Variants in KCNMA1 observed in about 807,000 individuals in gnomAD.
The protein encoded by KCNMA1 is potassium calcium-activated channel subfamily M alpha 1.
In KCNMA1, 29 loss-of-function variants were observed where a neutral mutation model predicts 140.0. The ratio of observed to expected loss-of-function variants is 0.21; its 90% CI spans 0.15 to 0.28. The LOEUF is 0.28. Among genes scored for constraint, KCNMA1 ranks in the 10% least tolerant of loss-of-function variants. The probability of loss-of-function intolerance (pLI) is 1.00; values close to 1 mark genes in which losing one functional copy is unlikely to be tolerated. For synonymous variants in KCNMA1, 612 were observed against 611.9 expected (o/e 1.00, Z 0.00); for missense variants, 880 against 1,602.2 (o/e 0.55, Z 7.70).
intron 1 of KCNMA1, chr10:77,636,840 C>G (rs2093797307): frequency 1.4e-6 from 2 of 1,431,546 alleles, no homozygotes; most frequent in African/African-American, 2.9e-5. Flanking sequence ...TGTGCTCCCT[C>G]TCGCCCACCG....
intron 1 of KCNMA1, among the ~76,000 whole-genome samples, chr10:77,408,549 C>T (rs113089078): frequency 6.6e-5 from 10 of 152,144 alleles, no homozygotes; most frequent in South Asian, 2.1e-4. Flanking sequence ...CTCACACATG[C>T]GTGTGTGTGT....
At chr10:77,342,998 G>T (rs925555632) in intron 2 of KCNMA1, among the ~76,000 whole-genome samples, 6 of 152,100 alleles carry the variant, frequency 3.9e-5, no homozygotes, top group African/African-American at 1.2e-4. Flanking sequence ...GAACCTTCTG[G>T]CCCCATCCAG....
At chr10:77,519,501 T>G (rs1277577712) in intron 1 of KCNMA1, among the ~76,000 whole-genome samples, 1 of 152,228 alleles carries the variant, frequency 6.6e-6, no homozygotes, top group Non-Finnish European at 1.5e-5. Context: ...ATTGATTTTT[T>G]TTTTGTTTTA....
intron 2 of KCNMA1, among the ~76,000 whole-genome samples, chr10:77,302,958 C>T (rs1405989145): frequency 1.3e-5 from 2 of 152,102 alleles, no homozygotes; most frequent in Non-Finnish European, 2.9e-5. Flanking sequence ...TCACTGGGGA[C>T]TCACCTGTGT....
At chr10:77,439,091 A>G (rs2097329142) in intron 1 of KCNMA1, among the ~76,000 whole-genome samples, 1 of 70,976 alleles carries the variant, frequency 1.4e-5, no homozygotes, top group Admixed American at 1.8e-4. Flanking sequence ...AAAAGAAAAG[A>G]GAAGAGAAGA....
chr10:77,538,994 T>C (rs1303630371), intron 1 of KCNMA1, among the ~76,000 whole-genome samples: 1 of 152,178 alleles, frequency 6.6e-6, no homozygotes, highest in Non-Finnish European at 1.5e-5. Context: ...GTCTCCTTCA[T>C]GTCACCACCC....
chr10:77,013,830 A>C (rs2091415354), intron 17 of KCNMA1, among the ~76,000 whole-genome samples: 1 of 152,190 alleles, frequency 6.6e-6, no homozygotes, highest in South Asian at 2.1e-4. Context: ...AAAGTACCAA[A>C]GCTGAGATTG....
chr10:77,310,200 C>T (rs1473127108), intron 2 of KCNMA1, among the ~76,000 whole-genome samples: 1 of 152,144 alleles, frequency 6.6e-6, no homozygotes, highest in Non-Finnish European at 1.5e-5. Context: ...ACAACTAAAC[C>T]AGTCTCTCAA....
At chr10:77,029,293 C>G (rs1332192883) in intron 15 of KCNMA1, among the ~76,000 whole-genome samples, 2 of 152,200 alleles carry the variant, frequency 1.3e-5, no homozygotes, top group African/African-American at 4.8e-5. Flanking sequence ...ATTTATTTAG[C>G]TCCAGCATTG....
At chr10:77,610,076 C>T (rs1400889381) in intron 1 of KCNMA1, among the ~76,000 whole-genome samples, 4 of 152,216 alleles carry the variant, frequency 2.6e-5, no homozygotes, top group Non-Finnish European at 5.9e-5. Flanking sequence ...CCTCTGCCTG[C>T]GGCTTTCTGG....
intron 9 of KCNMA1, among the ~76,000 whole-genome samples, chr10:77,103,466 C>T (rs780613234): frequency 2.0e-5 from 3 of 152,152 alleles, no homozygotes; most frequent in Non-Finnish European, 4.4e-5. Flanking sequence ...GTGCGGCAGA[C>T]TAACTAAGGA....
chr10:77,269,659 T>C (rs555320672), intron 2 of KCNMA1, among the ~76,000 whole-genome samples: 1 of 152,228 alleles, frequency 6.6e-6, no homozygotes, highest in Admixed American at 6.5e-5. Context: ...GAACAGCCAA[T>C]GGGTGGGATC....
chr10:77,141,832 G>T (rs1024519067), intron 5 of KCNMA1, among the ~76,000 whole-genome samples: 1 of 152,176 alleles, frequency 6.6e-6, no homozygotes, highest in African/African-American at 2.4e-5. Context: ...CTCTAGCAAG[G>T]CTAAAATTAT....
At chr10:77,621,797 TGC>T (rs1337066372) in intron 1 of KCNMA1, among the ~76,000 whole-genome samples, 1 of 152,062 alleles carries the variant, frequency 6.6e-6, no homozygotes, top group African/African-American at 2.4e-5. Flanking sequence ...GGCATGATGG[TGC>T]ATGCCTGTAG....
chr10:77,591,487 C>A (rs1029803805), intron 1 of KCNMA1, among the ~76,000 whole-genome samples: 1 of 152,190 alleles, frequency 6.6e-6, no homozygotes, highest in African/African-American at 2.4e-5. Flanking sequence ...TCAATAAGCA[C>A]CACCTGGGAA....
chr10:77,311,040 G>C (rs1266323751), intron 2 of KCNMA1, among the ~76,000 whole-genome samples: 1 of 152,186 alleles, frequency 6.6e-6, no homozygotes, highest in Admixed American at 6.5e-5. Flanking sequence ...GCTGCTGTCA[G>C]TTCAAAAGTT....
rs554466124 is a variant in KCNMA1, at chr10:77,369,124, A to C, written c.540+34738T>G. On this transcript the variant is annotated intron_variant, in intron 2 of 27. Coordinates refer to ENST00000286628, the MANE Select transcript of KCNMA1 (RefSeq NM_001161352.2). ...TGGAGTTACATTAAATCTGTAGAGAAATCTGGGGGTGAGCTGGCACCATTA... is the reference window on the plus strand; with the variant it reads ...TGGAGTTACATTAAATCTGTAGAGACATCTGGGGGTGAGCTGGCACCATTA... 2.6e-5 allele frequency among the ~76,000 whole-genome samples: 4 copies of C among 152,292 alleles called. No homozygotes were observed. The South Asian group carries it at 8.3e-4, about 32-fold the overall frequency.
chr10:77,317,901 G>C (rs989568082), intron 2 of KCNMA1, among the ~76,000 whole-genome samples: 12 of 152,154 alleles, frequency 7.9e-5, no homozygotes, highest in Non-Finnish European at 1.6e-4. Context: ...TTTGTTTAAG[G>C]CATCCCAAAA....
chr10:76,969,851 C>T (rs2075482132), intron 20 of KCNMA1, 123 bp downstream of exon 20: 1 of 754,862 alleles, frequency 1.3e-6, no homozygotes, highest in Non-Finnish European at 2.4e-6. Flanking sequence ...CGATCTCGCT[C>T]CCCTCCCCCA....
Sources: allele counts gnomAD v4.1 joint callset (sites outside exome capture counted in the v4.1 genomes callset), GRCh38; gene constraint gnomAD v4.1.1; transcripts MANE v1.5; gene names NCBI Gene and HGNC (gene_info 2026-07-23, HGNC 2026-07-21).